SMG9: variants seen among roughly 807,000 people sequenced by gnomAD.
SMG9 encodes the protein SMG9 nonsense mediated mRNA decay factor.
In SMG9, 55 loss-of-function variants were observed where a neutral mutation model predicts 64.0. The observed-to-expected ratio is 0.86, with a 90% CI of 0.69 to 1.08. The LOEUF is 1.08. SMG9 is among the 50% of genes least tolerant of loss of function. SMG9 has a pLI of 0.00. For synonymous variants in SMG9, 244 were observed against 254.8 expected, an observed-to-expected ratio of 0.96 and a Z score of 0.41; for missense variants, 554 against 681.3, an observed-to-expected ratio of 0.81 and a Z score of 2.08.
Position 43,747,972 on chromosome 19 carries a change from G to A in SMG9, c.225+6C>T, listed in dbSNP as rs1225162877. 19 of 1,614,062 alleles carry A rather than the reference G, an allele frequency of 1.2e-5. No homozygotes were observed. Among genetic ancestry groups the A allele is most frequent in the Non-Finnish European group, 1.5e-5 (18 of 1,180,040 alleles). On this transcript the variant is annotated splice_donor_region_variant and intron_variant, in intron 3 of 13. Transcript: ENST00000270066. Reference sequence around the variant, plus strand: ...GGCTCCCCCTCCTCCCTCCTTCTCTGCTCACCCGCTCTGCTGGAGGTTTTG... The same window carrying A: ...GGCTCCCCCTCCTCCCTCCTTCTCTACTCACCCGCTCTGCTGGAGGTTTTG...
Position 43,731,590 on chromosome 19 carries a change from T to G in SMG9, c.*6A>C, listed in dbSNP as rs1159715408. ...GGTCCCCTGCATGACATTCCTCTCC[T>G]TGGCCTCAGGCCAGCAGGCGGCTGT... On this transcript the variant is annotated 3_prime_UTR_variant, in exon 14 of 14. Transcript: ENST00000270066. The G allele has an allele frequency of 6.2e-7, 1 of 1,614,208 alleles. No individual in the cohort carries two copies. The highest frequency in any genetic ancestry group is 1.7e-5 in the Admixed American group (1 of 60,030).
intron 5 of SMG9, among the ~76,000 whole-genome samples, chr19:43,745,538 T>C (rs1968972671): frequency 6.6e-6 from 1 of 152,158 alleles, no homozygotes; most frequent in Non-Finnish European, 1.5e-5. Flanking sequence ...TCCTTAGAAT[T>C]ACCTTAAAAT....
In SMG9 at chr19:43,734,320, C is replaced by A; in HGVS notation, c.1102+69G>T. ...TTCCTCTCTCTCCCCTCTTCTCCAG[C>A]GTGCTCCTGACTTTCAGCCCCTCAT... On this transcript the variant is annotated intron_variant, in intron 10 of 13. Transcript: ENST00000270066. The A allele has an allele frequency of 1.6e-6, 2 of 1,245,522 alleles. 1 individual carries two copies. The highest frequency in any genetic ancestry group is 2.6e-5 in the South Asian group (2 of 77,032). The allele number at this position is 1,245,522 out of a possible 1,614,324, so 77.2% of individuals were successfully genotyped here.
rs1245623664 is a variant in SMG9, at chr19:43,728,543, C to T, written c.*3053G>A. ...ATGCAAGAACCGACTAAAACAGACA[C>T]CATTATGAACTCAATTAATCACCAC... On this transcript the variant is annotated 3_prime_UTR_variant, in exon 14 of 14. Coordinates refer to ENST00000270066, the MANE Select transcript of SMG9 (RefSeq NM_019108.4). 1 of 152,220 alleles carries T rather than the reference C, an allele frequency of 6.6e-6. No individual in the cohort carries two copies. Among genetic ancestry groups the T allele is most frequent in the African/African-American group, 2.4e-5 (1 of 41,444 alleles). 9.4% of individuals were successfully genotyped at this position (152,220 alleles called of 1,614,324 possible).
In SMG9 at chr19:43,750,757, G is replaced by A. The variant is rs1251264880; in HGVS notation, c.-6-10C>T. On this transcript the variant is annotated splice_polypyrimidine_tract_variant and intron_variant, in intron 1 of 13. Transcript: ENST00000270066. ...ACTCAGACATGGTTACCTATGGAGG[G>A]AATGAGGGGATTTCAGGATGACAGA... 1 of 1,597,724 alleles carries A rather than the reference G, an allele frequency of 6.3e-7. No homozygotes were observed. The highest frequency in any genetic ancestry group is 1.3e-5 in the African/African-American group (1 of 74,374).
chr19:43,749,602 T>A (rs1020302133), intron 2 of SMG9, among the ~76,000 whole-genome samples: 1 of 152,232 alleles, frequency 6.6e-6, no homozygotes. Flanking sequence ...CTATTCTTCA[T>A]GTTTGTACAG....
rs770663320 is a variant in SMG9, at chr19:43,744,753, C to G, written c.701+19G>C. The G allele has an allele frequency of 1.1e-5, 17 of 1,591,142 alleles. No individual in the cohort carries two copies. The South Asian group carries it at 1.7e-4, about 16-fold the overall frequency. Reference sequence around the variant, plus strand: ...TGGGTGCCCACCTCCCTCCTGCACCCTATCTGATAGCCCCTCACCTCTGGT... The same window carrying G: ...TGGGTGCCCACCTCCCTCCTGCACCGTATCTGATAGCCCCTCACCTCTGGT... On this transcript the variant is annotated intron_variant, in intron 6 of 13. Transcript: ENST00000270066.
In SMG9 at chr19:43,734,419, C is replaced by T. The variant is rs748603938; in HGVS notation, c.1072G>A (p.Asp358Asn). Residue 358 changes from aspartate (D) to asparagine (N), a missense_variant, in exon 10 of 14, where the codon GAT becomes AAT. Asp to Asn is a conservative substitution (Grantham distance 23). Coordinates refer to ENST00000270066, the MANE Select transcript of SMG9 (RefSeq NM_019108.4). ...SHESSSSSGS[D>N]EGTEYYPHLV... ...TGGGGGTAGTACTCGGTGCCTTCAT[C>T]GGAGCCCGATGAGCTGCTGGACTCG... 7 of 1,558,992 alleles carry T rather than the reference C, an allele frequency of 4.5e-6. No individual in the cohort carries two copies. The highest frequency in any genetic ancestry group is 3.5e-5 in the South Asian group (3 of 84,568).
chr19:43,750,051 G>GT (rs1268139062), intron 2 of SMG9: 19 of 458,882 alleles, frequency 4.1e-5, no homozygotes, highest in African/African-American at 3.6e-4. Context: ...AGTAAAAAGA[G>GT]TAACAGTTGT....
At chr19:43,733,946 G>A in intron 10 of SMG9, 3 of 590,116 alleles carry the variant, frequency 5.1e-6, no homozygotes, top group Non-Finnish European at 9.1e-6. Context: ...TAGTCTCTTT[G>A]AGGCCCTAGC....
intron 2 of SMG9, chr19:43,750,109 G>A: frequency 1.9e-6 from 1 of 519,754 alleles, no homozygotes; most frequent in Non-Finnish European, 3.9e-6. Flanking sequence ...GCACCTCTCA[G>A]CTCAAACTCT....
chr19:43,748,619 G>C (rs1599658361), intron 2 of SMG9: 4 of 519,028 alleles, frequency 7.7e-6, no homozygotes, highest in Non-Finnish European at 1.5e-5. Flanking sequence ...GCCCCCTCCT[G>C]CTCTGGCAAA....
intron 5 of SMG9, 152 bp downstream of exon 5, chr19:43,747,290 C>T (rs1969044248): frequency 8.7e-6 from 6 of 690,214 alleles, no homozygotes; most frequent in Non-Finnish European, 7.5e-6. Context: ...GTTGAAATTC[C>T]GCTCTGGTTA....
chr19:43,737,118 C>T (rs1968695066), intron 9 of SMG9, among the ~76,000 whole-genome samples: 1 of 151,984 alleles, frequency 6.6e-6, no homozygotes, highest in South Asian at 2.1e-4. Context: ...ACTAAAGATG[C>T]AAAAATTAGC....
intron 6 of SMG9, among the ~76,000 whole-genome samples, chr19:43,741,737 GC>G (rs960328660): frequency 1.2e-4 from 18 of 152,260 alleles, no homozygotes; most frequent in African/African-American, 4.1e-4. Flanking sequence ...TCACTGGAAT[GC>G]TCCTCCCAGC....
chr19:43,729,035 A>G lies in SMG9; in HGVS notation c.*2561T>C. On this transcript the variant is annotated 3_prime_UTR_variant, in exon 14 of 14. Coordinates refer to ENST00000270066, the MANE Select transcript of SMG9 (RefSeq NM_019108.4). The stretch of plus-strand genomic sequence containing the variant: ...TCCACAGTGGCCTGCTGGCAGCATC[A>G]GCCTGAGTCCTCTGCTGGATGTAAA... 1.0e-6 allele frequency: 1 copy of G among 985,624 alleles called. No individual in the cohort carries two copies. The highest frequency in any genetic ancestry group is 1.2e-6 in the Non-Finnish European group (1 of 830,106). The allele number at this position is 985,624 out of a possible 1,614,324, so 61.1% of individuals were successfully genotyped here. A position where few individuals can be genotyped will look rare whatever the true frequency, so the allele number is the denominator to read the frequency against.
At position 43,747,742 on chromosome 19, in the gene SMG9, AG is replaced by A; in HGVS notation, c.380del (p.Pro127LeufsTer51). 3 of 1,460,854 alleles carry A rather than the reference AG, an allele frequency of 2.1e-6. No homozygotes were observed. The highest frequency in any genetic ancestry group is 1.9e-4 in the Middle Eastern group (1 of 5,360). 90.5% of individuals were successfully genotyped at this position (1,460,854 alleles called of 1,614,324 possible). On this transcript the variant is annotated frameshift_variant, in exon 4 of 14. Transcript: ENST00000270066. LOFTEE classifies it high-confidence loss of function. ...CCCCCTTGGGTGGCGCAGGGGCTGC[AG>A]GGGGTGGTGGGGCGGTGCCCTCAGG... is the stretch of plus-strand genomic sequence containing the variant. Reference protein sequence around the residue: ...STPEGTAPPPPAAPAPPKGEK... With the variant: ...STPEGTAPPPXAAPAPPKGEK...
At chr19:43,741,039 TTACAAACACTA>T (rs1243938783) in intron 6 of SMG9, among the ~76,000 whole-genome samples, 1 of 152,192 alleles carries the variant, frequency 6.6e-6, no homozygotes, top group African/African-American at 2.4e-5. Flanking sequence ...TCCTTCCACT[TTACAAACACTA>T]TACGGAAAAC....
intron 6 of SMG9, among the ~76,000 whole-genome samples, chr19:43,742,869 T>A (rs891335806): frequency 2.6e-5 from 4 of 152,010 alleles, no homozygotes; most frequent in Admixed American, 6.6e-5. Flanking sequence ...GGTGGGCAGA[T>A]CACCTGTCAG....
Sources: gnomAD v4.1 joint callset for allele counts (sites outside exome capture counted in the v4.1 genomes callset) on GRCh38, gnomAD v4.1.1 for gene constraint, MANE v1.5 for transcripts, NCBI Gene and HGNC (gene_info 2026-07-23, HGNC 2026-07-21) for gene names.